Variants in DDX46 observed in about 807,000 individuals in gnomAD.
DDX46 encodes the protein DEAD-box helicase 46.
In DDX46, 30 loss-of-function variants were observed where a neutral mutation model predicts 134.9. That is an observed-to-expected ratio of 0.22 (90% CI 0.17 to 0.30). DDX46 has a LOEUF of 0.30. Ranked by LOEUF, DDX46 falls within the 10% of genes least tolerant of loss-of-function variation. DDX46 has a pLI of 1.00. For missense variants in DDX46, 622 were observed against 1,248.7 expected, an observed-to-expected ratio of 0.50 and a Z score of 7.56; for synonymous variants, 415 against 404.1, an observed-to-expected ratio of 1.03 and a Z score of -0.32.
chr5:134,791,221 T>C (rs1201523251), intron 13 of DDX46, among the ~76,000 whole-genome samples: 2 of 152,240 alleles, frequency 1.3e-5, no homozygotes, highest in Non-Finnish European at 2.9e-5. Context: ...TCACGTTTGC[T>C]AAGATAATGG....
At chr5:134,781,545 A>C (rs1754154318) in intron 7 of DDX46, among the ~76,000 whole-genome samples, 1 of 152,152 alleles carries the variant, frequency 6.6e-6, no homozygotes, top group East Asian at 1.9e-4. Context: ...TTCCATTAAC[A>C]CGTAAAGATT....
chr5:134,792,719 C>T (rs886866664), intron 13 of DDX46, among the ~76,000 whole-genome samples: 8 of 152,106 alleles, frequency 5.3e-5, no homozygotes, highest in Non-Finnish European at 8.8e-5. Context: ...TACATAAGTA[C>T]ATATAAACAA....
chr5:134,770,961 A>G lies in DDX46; in HGVS notation c.409A>G (p.Lys137Glu). The G allele has an allele frequency of 1.3e-6, 2 of 1,536,458 alleles. No individual in the cohort carries two copies. The highest frequency in any genetic ancestry group is 1.8e-6 in the Non-Finnish European group (2 of 1,121,014). Reference protein sequence around the residue: ...GESSKEKKKDKDDKEDEKEKD... With the variant: ...GESSKEKKKDEDDKEDEKEKD... ...AAGTTCTAAAGAGAAGAAAAAAGAC[A>G]AAGATGACAAGGAGGATGAAAAAGA... Residue 137 changes from lysine (K) to glutamate (E), a missense_variant, in exon 4 of 23, where the codon AAA becomes GAA. By Grantham distance (56) the Lys-to-Glu change is moderately conservative. Coordinates refer to ENST00000452510, the MANE Select transcript of DDX46 (RefSeq NM_001300860.2).
At chr5:134,795,908 A>G (rs936804729) in intron 14 of DDX46, 80 bp from the exon 15 acceptor site, 2 of 1,289,988 alleles carry the variant, frequency 1.6e-6, no homozygotes, top group South Asian at 1.4e-5. Flanking sequence ...TTCATTCACT[A>G]CAAATAAAAT....
intron 18 of DDX46, among the ~76,000 whole-genome samples, chr5:134,816,057 A>G (rs1755281089): frequency 1.3e-5 from 2 of 152,158 alleles, no homozygotes; most frequent in Non-Finnish European, 2.9e-5. Context: ...ATTTGGTCTC[A>G]AGGCCTGAGC....
chr5:134,771,056 CTTTTCTTTCTTT>C, intron 4 of DDX46, 57 bp downstream of exon 4: 2 of 703,036 alleles, frequency 2.8e-6, no homozygotes, highest in South Asian at 3.6e-5. Flanking sequence ...TTCTTTCTTT[CTTTTCTTTCTTT>C]CCCTCTTTCT....
chr5:134,761,590 TC>T (rs1753388225), intron 1 of DDX46, among the ~76,000 whole-genome samples: 1 of 152,194 alleles, frequency 6.6e-6, no homozygotes, highest in Non-Finnish European at 1.5e-5. Flanking sequence ...AGAAACCTCT[TC>T]CTTGAACTAC....
intron 11 of DDX46, among the ~76,000 whole-genome samples, 188 bp downstream of exon 11, chr5:134,785,774 A>G (rs1186311500): frequency 3.3e-5 from 5 of 152,154 alleles, no homozygotes; most frequent in Admixed American, 2.0e-4. Context: ...TGGAGATGTA[A>G]TGTACAGCAT....
intron 1 of DDX46, among the ~76,000 whole-genome samples, chr5:134,761,570 A>G (rs1753387694): frequency 6.6e-6 from 1 of 152,194 alleles, no homozygotes; most frequent in African/African-American, 2.4e-5. Flanking sequence ...TGTCCAGTTT[A>G]TATTTCTAGA....
chr5:134,771,650 C>G (rs574023945), intron 4 of DDX46, among the ~76,000 whole-genome samples: 4 of 151,532 alleles, frequency 2.6e-5, no homozygotes, highest in African/African-American at 9.7e-5. Context: ...TGCAGTGAGC[C>G]GAGATTGGGC....
chr5:134,778,296 G>T (rs948370882), intron 6 of DDX46, among the ~76,000 whole-genome samples: 1 of 152,100 alleles, frequency 6.6e-6, no homozygotes, highest in African/African-American at 2.4e-5. Context: ...TGGATTACAG[G>T]CATGAGCCAC....
rs201944776 is a variant in DDX46 at position 134,803,918 on chromosome 5, CTTTTTT to C, written c.1955-3811_1955-3806del. Among the ~76,000 whole-genome samples the C allele has an allele frequency of 9.5e-5, 9 of 94,906 alleles. 1 individual carries two copies. The highest frequency in any genetic ancestry group is 2.9e-4 in the South Asian group (1 of 3,494). 62.3% of individuals were successfully genotyped at this position (94,906 alleles called of 152,430 possible). On this transcript the variant is annotated intron_variant, in intron 15 of 22. Coordinates refer to ENST00000452510, the MANE Select transcript of DDX46 (RefSeq NM_001300860.2). ...AGAATGACAAGTGATGATGATTCTT[CTTTTTT>C]TTTTTTTTTTTTTTTTTTGAGACAA...
rs891800514 is a variant in DDX46, at chr5:134,777,711, G to A, written c.751G>A (p.Gly251Arg). 6.2e-7 allele frequency: 1 copy of A among 1,602,010 alleles called. No individual in the cohort carries two copies. Among genetic ancestry groups the A allele is most frequent in the Middle Eastern group, 1.7e-4 (1 of 6,020 alleles). Reference protein sequence around the residue: ...KFNMRSVKGGGGNEKKSGPTV... With the variant: ...KFNMRSVKGGRGNEKKSGPTV... ...TAACATGAGAAGTGTAAAAGGTGGT[G>A]GGGGAAATGAAAAGGTATGGAATTT... is the stretch of plus-strand genomic sequence containing the variant. Residue 251 changes from glycine to arginine, a missense_variant, in exon 6 of 23, where the codon GGG becomes AGG. Around this residue, in one of 8 missense-constraint regions of DDX46, gnomAD observed 244 missense variants for 349.3 expected, o/e 0.70. Transcript: ENST00000452510.
intron 5 of DDX46, among the ~76,000 whole-genome samples, chr5:134,774,597 A>G (rs989866439): frequency 6.6e-6 from 1 of 152,236 alleles, no homozygotes; most frequent in Non-Finnish European, 1.5e-5. Flanking sequence ...GTTATTGGGC[A>G]TAGCCAGTAA....
chr5:134,770,296 G>A (rs1580775542), intron 3 of DDX46, among the ~76,000 whole-genome samples: 4 of 150,124 alleles, frequency 2.7e-5, no homozygotes, highest in South Asian at 4.2e-4. Flanking sequence ...CTGCAGCCTC[G>A]AACTACTGGG....
chr5:134,802,957 C>T (rs1286446479), intron 15 of DDX46, among the ~76,000 whole-genome samples: 2 of 152,142 alleles, frequency 1.3e-5, no homozygotes, highest in Non-Finnish European at 2.9e-5. Context: ...CAAACTCTGT[C>T]TGCCTTTAAT....
intron 8 of DDX46, 69 bp downstream of exon 8, chr5:134,782,155 A>G: frequency 7.1e-7 from 1 of 1,399,864 alleles, no homozygotes; most frequent in Non-Finnish European, 9.6e-7. Context: ...ATTGCTCAAG[A>G]GAAATGTGGA....
At chr5:134,781,737 A>G (rs576456641) in intron 7 of DDX46, among the ~76,000 whole-genome samples, 184 bp from the exon 8 acceptor site, 1 of 152,268 alleles carries the variant, frequency 6.6e-6, no homozygotes, top group South Asian at 2.1e-4. Context: ...GGTGATTTTA[A>G]AATTATGAGG....
chr5:134,820,870 T>C (rs971706345), intron 21 of DDX46, among the ~76,000 whole-genome samples: 2 of 146,476 alleles, frequency 1.4e-5, no homozygotes, highest in African/African-American at 2.6e-5. Context: ...TTTTCTTTTT[T>C]TTTTTTTTTT....
Sources: allele counts gnomAD v4.1 joint callset (sites outside exome capture counted in the v4.1 genomes callset), GRCh38; gene constraint gnomAD v4.1.1; regional missense constraint gnomAD v4.1.1; transcripts MANE v1.5; gene names NCBI Gene and HGNC (gene_info 2026-07-23, HGNC 2026-07-21).